The following CHODL variants were observed in gnomAD, a reference collection of about 807,000 sequenced individuals.
CHODL encodes the protein transmembrane protein MT75.
Under a neutral mutation model 34.5 loss-of-function variants are expected in CHODL, and 29 were observed. The observed-to-expected ratio is 0.84, with a 90% confidence interval of 0.63 to 1.15. The LOEUF (loss-of-function observed/expected upper bound fraction) is 1.15, where lower values mean the gene tolerates loss of function less well. Among genes scored for constraint, CHODL ranks in the 50% most tolerant of loss-of-function variants. The pLI is 0.00. For synonymous variants in CHODL, 125 were observed against 116.1 expected (o/e 1.08, Z -0.49); for missense variants, 332 against 332.5 (o/e 1.00, Z 0.01).
At chr21:17,981,088 TACAA>T (rs1200563238) in intron 1 of CHODL, among the ~76,000 whole-genome samples, 26 of 152,226 alleles carry the variant, frequency 1.7e-4, no homozygotes, top group African/African-American at 5.8e-4. Context: ...ACTGTCACTA[TACAA>T]ACCCTGATGT....
At chr21:18,021,175 G>A (rs2064124514) in intron 1 of CHODL, among the ~76,000 whole-genome samples, 1 of 152,246 alleles carries the variant, frequency 6.6e-6, no homozygotes, top group South Asian at 2.1e-4. Context: ...GACTACTTAG[G>A]GAAGAGTTCT....
intron 1 of CHODL, among the ~76,000 whole-genome samples, chr21:17,924,009 G>T (rs1176282711): frequency 6.6e-6 from 1 of 152,184 alleles, no homozygotes; most frequent in Admixed American, 6.5e-5. Context: ...TGGAAGAGAA[G>T]GATGTTGAGG....
At chr21:18,122,851 A>G (rs2065496816) in intron 2 of CHODL, among the ~76,000 whole-genome samples, 1 of 152,208 alleles carries the variant, frequency 6.6e-6, no homozygotes, top group Non-Finnish European at 1.5e-5. Flanking sequence ...TGATTTCATT[A>G]ATCATTTTAT....
At chr21:18,153,559 C>T (rs1232147393) in intron 2 of CHODL, among the ~76,000 whole-genome samples, 1 of 152,036 alleles carries the variant, frequency 6.6e-6, no homozygotes, top group African/African-American at 2.4e-5. Context: ...TAAGGACTTA[C>T]ATGATTATAT....
chr21:18,209,734 G>A (rs532085492), intron 2 of CHODL, among the ~76,000 whole-genome samples: 54 of 152,254 alleles, frequency 3.5e-4, no homozygotes, highest in Non-Finnish European at 2.9e-4. Flanking sequence ...TCTTTAGTCA[G>A]CAGATGAGGA....
At chr21:18,085,665 T>A (rs2064997121) in intron 2 of CHODL, among the ~76,000 whole-genome samples, 1 of 152,214 alleles carries the variant, frequency 6.6e-6, no homozygotes, top group Non-Finnish European at 1.5e-5. Flanking sequence ...CTTCCAACAA[T>A]TTGAAAATGT....
chr21:17,985,482 G>T (rs756211952), intron 1 of CHODL, among the ~76,000 whole-genome samples: 2 of 152,160 alleles, frequency 1.3e-5, no homozygotes, highest in Non-Finnish European at 2.9e-5. Flanking sequence ...AAGGTCATGG[G>T]ATAATGACAT....
At chr21:18,060,272 T>C (rs754407339) in intron 2 of CHODL, among the ~76,000 whole-genome samples, 4 of 151,872 alleles carry the variant, frequency 2.6e-5, no homozygotes, top group African/African-American at 7.3e-5. Context: ...CTGGGCAACA[T>C]GGCAAAACCT....
At chr21:17,975,052 G>C (rs1206754336) in intron 1 of CHODL, among the ~76,000 whole-genome samples, 1 of 151,962 alleles carries the variant, frequency 6.6e-6, no homozygotes, top group East Asian at 1.9e-4. Flanking sequence ...GACAGGCCTG[G>C]TGCAGTGGCT....
chr21:18,082,358 G>A (rs1242494294), intron 2 of CHODL, among the ~76,000 whole-genome samples: 1 of 152,144 alleles, frequency 6.6e-6, no homozygotes, highest in Non-Finnish European at 1.5e-5. Context: ...AAATTACCCA[G>A]TCTCAGGTAG....
At chr21:18,015,773 T>C (rs2064067385) in intron 1 of CHODL, among the ~76,000 whole-genome samples, 1 of 152,206 alleles carries the variant, frequency 6.6e-6, no homozygotes, top group Admixed American at 6.5e-5. Context: ...CATGTTGCTA[T>C]GCTTTAGCAA....
chr21:18,228,656 A>C (rs991434925), intron 2 of CHODL, among the ~76,000 whole-genome samples: 5 of 152,132 alleles, frequency 3.3e-5, no homozygotes, highest in Admixed American at 6.6e-5. Context: ...GAACTTGTAC[A>C]TCCCAAAACT....
intron 1 of CHODL, among the ~76,000 whole-genome samples, chr21:17,991,057 G>A (rs527684351): frequency 6.4e-4 from 98 of 152,178 alleles, no homozygotes; most frequent in Non-Finnish European, 1.0e-3. Flanking sequence ...GAGAACGTTT[G>A]ATATTTGTCT....
At chr21:18,174,272 A>C in intron 2 of CHODL, among the ~76,000 whole-genome samples, 1 of 150,292 alleles carries the variant, frequency 6.7e-6, no homozygotes, top group Non-Finnish European at 1.5e-5. Flanking sequence ...AGATATGGAG[A>C]TTGTATTTGA....
intron 1 of CHODL, among the ~76,000 whole-genome samples, chr21:18,018,447 G>C (rs985641176): frequency 2.0e-5 from 3 of 152,112 alleles, no homozygotes; most frequent in Non-Finnish European, 4.4e-5. Flanking sequence ...CAGTGAGTGA[G>C]TTCTCACAAA....
At chr21:18,058,212 T>TGA (rs1008996480) in intron 2 of CHODL, among the ~76,000 whole-genome samples, 1 of 151,986 alleles carries the variant, frequency 6.6e-6, no homozygotes, top group African/African-American at 2.4e-5. Context: ...CAAATACTGG[T>TGA]GATGATAGGG....
chr21:17,983,700 C>A (rs918119483), intron 1 of CHODL, among the ~76,000 whole-genome samples: 1 of 151,798 alleles, frequency 6.6e-6, no homozygotes, highest in East Asian at 1.9e-4. Flanking sequence ...ATTTTGTTTG[C>A]CTGTTTCTTT....
At chr21:18,025,090 G>A (rs1350218605) in intron 1 of CHODL, among the ~76,000 whole-genome samples, 2 of 152,274 alleles carry the variant, frequency 1.3e-5, no homozygotes, top group East Asian at 1.9e-4. Context: ...TTTTTAAGGA[G>A]CTGTGTTGTT....
At chr21:18,074,714 A>G (rs1469656509) in intron 2 of CHODL, among the ~76,000 whole-genome samples, 2 of 152,120 alleles carry the variant, frequency 1.3e-5, no homozygotes, top group African/African-American at 4.8e-5. Context: ...CTATGGAAAA[A>G]GAATTAAGAG....
Sources: gnomAD v4.1 joint callset for allele counts (sites outside exome capture counted in the v4.1 genomes callset) on GRCh38, gnomAD v4.1.1 for gene constraint, MANE v1.5 for transcripts, NCBI Gene and HGNC (gene_info 2026-07-23, HGNC 2026-07-21) for gene names.